Variants in MIP observed in about 807,000 individuals in gnomAD.
MIP encodes lens fiber major intrinsic protein.
In MIP, 14 loss-of-function variants were observed where a neutral mutation model predicts 21.8. The observed-to-expected ratio is 0.64, with a 90% CI of 0.42 to 1.00. MIP has a LOEUF of 1.00. Among genes scored for constraint, MIP ranks in the 50% least tolerant of loss-of-function variants. MIP has a pLI of 0.00. For missense variants in MIP, 260 were observed against 333.5 expected (o/e 0.78, Z 1.72); for synonymous variants, 133 against 141.4 (o/e 0.94, Z 0.42).
At chr12:56,456,244 G>T (rs1396167352), upstream of MIP, among the ~76,000 whole-genome samples, 1 of 152,154 alleles carries the variant, frequency 6.6e-6, no homozygotes, top group Non-Finnish European at 1.5e-5. Context: ...CTCCAGAAAA[G>T]TTCCCCTGGA....
chr12:56,451,004 G>T lies in MIP; in HGVS notation c.*276C>A. On this transcript the variant is annotated 3_prime_UTR_variant, in exon 4 of 4. Coordinates refer to ENST00000652304, the MANE Select transcript of MIP (RefSeq NM_012064.4). ...CTTAGCTCTCATGCCCCAAAACTCA[G>T]ACACAGCCACACTCACATTCATATG... 1 of 459,944 alleles carries T rather than the reference G, an allele frequency of 2.2e-6. No individual in the cohort carries two copies. Among genetic ancestry groups the T allele is most frequent in the African/African-American group, 2.0e-5 (1 of 50,618 alleles). The allele number at this position is 459,944 out of a possible 1,614,324, so 28.5% of individuals were successfully genotyped here. A position where few individuals can be genotyped will look rare whatever the true frequency, so the allele number is the denominator to read the frequency against.
Position 56,453,649 on chromosome 12 carries a change from T to G in MIP, c.467A>C (p.Gln156Pro). ...AACGGCCAGGGCCACGGAGCCCAGT[T>G]GGCCATTCCGCCTCTCGTCGTATGT... ...FATYDERRNG[Q>P]LGSVALAVGF... is the part of the protein sequence containing the mutation. Residue 156 changes from glutamine (Q) to proline (P), a missense_variant, in exon 2 of 4, where the codon CAA becomes CCA. Transcript: ENST00000652304. The G allele has an allele frequency of 6.2e-7, 1 of 1,614,234 alleles. No homozygotes were observed. The highest frequency in any genetic ancestry group is 1.1e-5 in the South Asian group (1 of 91,086).
Position 56,453,184 on chromosome 12 carries a change from C to A in MIP, c.526-32G>T, listed in dbSNP as rs1565694229. 8 of 1,473,654 alleles carry A rather than the reference C, an allele frequency of 5.4e-6. No individual in the cohort carries two copies. The East Asian group carries it at 6.8e-5, about 13-fold the overall frequency. The allele number at this position is 1,473,654 out of a possible 1,614,324, so 91.3% of individuals were successfully genotyped here. On this transcript the variant is annotated intron_variant, in intron 2 of 3. Coordinates refer to ENST00000652304, the MANE Select transcript of MIP (RefSeq NM_012064.4). ...AAGAGACAGTTGTAACTGAGACACC[C>A]CCCTACTGCACCCCAGCTTCTCTCC...
In MIP at chr12:56,454,235, C is replaced by T. The variant is rs756679564; in HGVS notation, c.360+19G>A. On this transcript the variant is annotated intron_variant, in intron 1 of 3. Transcript: ENST00000652304. ...AGACAGGACACCAGGTTCCCCATCC[C>T]CTCTCAGCCAACCATTACCGTGTTG... 11 of 1,613,860 alleles carry T rather than the reference C, an allele frequency of 6.8e-6. No individual in the cohort carries two copies. The highest frequency in any genetic ancestry group is 1.1e-5 in the South Asian group (1 of 91,048).
Position 56,454,371 on chromosome 12 carries a change from C to T in MIP, c.243G>A (p.Met81Ile), listed in dbSNP as rs541621233. 6.2e-7 allele frequency: 1 copy of T among 1,614,132 alleles called. No individual in the cohort carries two copies. Among genetic ancestry groups the T allele is most frequent in the Non-Finnish European group, 8.5e-7 (1 of 1,180,036 alleles). The stretch of plus-strand genomic sequence containing the variant: ...TATAGCAGAAGGCACGGAGCAGGGA[C>T]ATCTGGGAGCCCACAAGGAAAGCAA... ...VTFAFLVGSQ[M>I]SLLRAFCYMA... The change falls in exon 1 of 4, where the codon ATG becomes ATA. Residue 81 changes from methionine to isoleucine, a missense_variant. Met to Ile is a conservative substitution (Grantham distance 10, BLOSUM62 1). Coordinates refer to ENST00000652304, the MANE Select transcript of MIP (RefSeq NM_012064.4).
At chr12:56,454,713 G>C, upstream of MIP, 1 of 1,488,088 alleles carries the variant, frequency 6.7e-7, no homozygotes, top group Non-Finnish European at 9.2e-7. Context: ...CCTGGGAGGG[G>C]CAGGCTGAGG....
In MIP at chr12:56,454,246, A is replaced by G. The variant is rs779214853; in HGVS notation, c.360+8T>C. On this transcript the variant is annotated splice_region_variant and intron_variant, in intron 1 of 3. Coordinates refer to ENST00000652304, the MANE Select transcript of MIP (RefSeq NM_012064.4). Reference sequence around the variant, plus strand: ...CAGGTTCCCCATCCCCTCTCAGCCAACCATTACCGTGTTGAGTGCTAGGTT... The same window carrying G: ...CAGGTTCCCCATCCCCTCTCAGCCAGCCATTACCGTGTTGAGTGCTAGGTT... The G allele has an allele frequency of 1.2e-6, 2 of 1,613,994 alleles. No homozygotes were observed. Among genetic ancestry groups the G allele is most frequent in the Admixed American group, 3.3e-5 (2 of 60,012 alleles).
At position 56,454,615 on chromosome 12, in the gene MIP, G is replaced by T; in HGVS notation, c.-2C>A. ...GGAGGCTGATCGCAGTTCCCACATG[G>T]CAGGGGGGATGGTCACAGTGCCTGG... On this transcript the variant is annotated 5_prime_UTR_variant, in exon 1 of 4. Transcript: ENST00000652304. 6.2e-7 allele frequency: 1 copy of T among 1,613,852 alleles called. No individual in the cohort carries two copies. The highest frequency in any genetic ancestry group is 8.5e-7 in the Non-Finnish European group (1 of 1,179,958).
At chr12:56,453,827 G>A in intron 1 of MIP, 72 bp from the exon 2 acceptor site, 1 of 1,492,780 alleles carries the variant, frequency 6.7e-7, no homozygotes, top group Non-Finnish European at 9.2e-7. Flanking sequence ...GACTTCCCCG[G>A]CAAGGATCTC....
chr12:56,456,219 C>T (rs1348656991), upstream of MIP, among the ~76,000 whole-genome samples: 2 of 152,178 alleles, frequency 1.3e-5, no homozygotes, highest in Admixed American at 1.3e-4. Flanking sequence ...AGGAAGCATG[C>T]AGGGTTCACA....
rs1481875807 is a variant in MIP, at chr12:56,453,687, G to C, written c.429C>G (p.Leu143=). The change falls in exon 2 of 4, where the codon CTC becomes CTG. Residue 143 remains leucine, a synonymous_variant. Transcript: ENST00000652304. Reference sequence around the variant, plus strand: ...TCTCGTCGTATGTGGCAAAGATGCAGAGCACGAACTGGAGCGTCAGGAAGA... The same window carrying C: ...TCTCGTCGTATGTGGCAAAGATGCACAGCACGAACTGGAGCGTCAGGAAGA... The part of the protein sequence containing the change: ...VEIFLTLQFV[L]CIFATYDERR... 1.2e-6 allele frequency: 2 copies of C among 1,614,164 alleles called. No individual in the cohort carries two copies. The highest frequency in any genetic ancestry group is 3.3e-5 in the Admixed American group (2 of 60,024).
chr12:56,454,446 C>T lies in MIP; in HGVS notation c.168G>A (p.Val56=), dbSNP rs1356922901. Reference sequence around the variant, plus strand: ...CTCCACTGATGTGGCCCACAGACTGCACCAGTGTAGCCAGGGCCAAGCCAA... The same window carrying T: ...CTCCACTGATGTGGCCCACAGACTGTACCAGTGTAGCCAGGGCCAAGCCAA... ...MAFGLALATL[V]QSVGHISGAH... Residue 56 remains valine, a synonymous_variant, in exon 1 of 4, where the codon GTG becomes GTA. Transcript: ENST00000652304. 2 of 1,614,052 alleles carry T rather than the reference C, an allele frequency of 1.2e-6. No individual in the cohort carries two copies. Among genetic ancestry groups the T allele is most frequent in the South Asian group, 1.1e-5 (1 of 91,070 alleles).
rs1188299773 is a variant in MIP at position 56,451,538 on chromosome 12, C to T, written c.607-73G>A. 3.8e-6 allele frequency: 5 copies of T among 1,314,434 alleles called. No individual in the cohort carries two copies. The African/African-American group carries it at 5.9e-5, about 15-fold the overall frequency. The allele number at this position is 1,314,434 out of a possible 1,614,324, so 81.4% of individuals were successfully genotyped here. A position where few individuals can be genotyped will look rare whatever the true frequency, so the allele number is the denominator to read the frequency against. Reference sequence around the variant, plus strand: ...AGCAACGCTGCTCTTTTTCCAGCCACCTTAGTGGAAAACAAGATATTGTAC... The same window carrying T: ...AGCAACGCTGCTCTTTTTCCAGCCATCTTAGTGGAAAACAAGATATTGTAC... On this transcript the variant is annotated intron_variant, in intron 3 of 3. Transcript: ENST00000652304.
At position 56,454,207 on chromosome 12, in the gene MIP, G is replaced by C. The variant is rs766173639; in HGVS notation, c.360+47C>G. The C allele has an allele frequency of 3.1e-6, 5 of 1,613,312 alleles. No individual in the cohort carries two copies. The Admixed American group carries it at 8.3e-5, about 27-fold the overall frequency. On this transcript the variant is annotated intron_variant, in intron 1 of 3. Coordinates refer to ENST00000652304, the MANE Select transcript of MIP (RefSeq NM_012064.4). ...CACCAGTCAGGGAGTCAGGGCAATA[G>C]AGAGACAGGACACCAGGTTCCCCAT... is the stretch of plus-strand genomic sequence containing the variant.
intron 3 of MIP, among the ~76,000 whole-genome samples, chr12:56,452,125 G>A (rs1868640152): frequency 1.3e-5 from 2 of 152,152 alleles, no homozygotes; most frequent in African/African-American, 4.8e-5. Flanking sequence ...TGCAACCTAT[G>A]TCTAGAACTT....
chr12:56,454,482 C>T lies in MIP; in HGVS notation c.132G>A (p.Val44=). Reference sequence around the variant, plus strand: ...CCAGGGCCAAGCCAAATGCCATAGCCACCTGCAGAACATGCAGGGGTCCAG... The same window carrying T: ...CCAGGGCCAAGCCAAATGCCATAGCTACCTGCAGAACATGCAGGGGTCCAG... ...WAPGPLHVLQ[V]AMAFGLALAT... Residue 44 remains valine, a synonymous_variant, in exon 1 of 4, where the codon GTG becomes GTA. Transcript: ENST00000652304. 6.2e-7 allele frequency: 1 copy of T among 1,612,928 alleles called. No individual in the cohort carries two copies. Among genetic ancestry groups the T allele is most frequent in the Non-Finnish European group, 8.5e-7 (1 of 1,179,140 alleles).
rs767879244 is a variant in MIP, at chr12:56,451,447, T to A, written c.625A>T (p.Ile209Phe). 1.2e-5 allele frequency: 19 copies of A among 1,614,110 alleles called. No homozygotes were observed. The Admixed American group carries it at 3.2e-4, about 27-fold the overall frequency. ...AGGCTGCCCAGACCCCCTCCAATGA[T>A]TGGGCCTACCCAGTACACCTGTAGA... ...TNHWVYWVGP[I>F]IGGGLGSLLY... Residue 209 changes from isoleucine to phenylalanine, a missense_variant, in exon 4 of 4, where the codon ATC (isoleucine) becomes TTC (phenylalanine). By Grantham distance (21) the Ile-to-Phe change is conservative. Coordinates refer to ENST00000652304, the MANE Select transcript of MIP (RefSeq NM_012064.4).
At chr12:56,454,154 C>T (rs1439639971) in intron 1 of MIP, 100 bp downstream of exon 1, 1 of 1,525,734 alleles carries the variant, frequency 6.6e-7, no homozygotes, top group African/African-American at 1.4e-5. Flanking sequence ...ACATATTGTC[C>T]CAGACCCCAG....
chr12:56,451,440 C>G lies in MIP; in HGVS notation c.632G>C (p.Gly211Ala), dbSNP rs762238203. 1.9e-6 allele frequency: 3 copies of G among 1,614,122 alleles called. No individual in the cohort carries two copies. The South Asian group carries it at 3.3e-5, about 18-fold the overall frequency. The change falls in exon 4 of 4, where the codon GGA becomes GCA. Residue 211 changes from glycine (G) to alanine (A), a missense_variant. Gly to Ala is a moderately conservative substitution (Grantham distance 60). Coordinates refer to ENST00000652304, the MANE Select transcript of MIP (RefSeq NM_012064.4). ...GTACAGGAGGCTGCCCAGACCCCCT[C>G]CAATGATTGGGCCTACCCAGTACAC... ...HWVYWVGPII[G>A]GGLGSLLYDF...
Sources: allele counts gnomAD v4.1 joint callset (sites outside exome capture counted in the v4.1 genomes callset), GRCh38; gene constraint gnomAD v4.1.1; transcripts MANE v1.5; gene names NCBI Gene and HGNC (gene_info 2026-07-23, HGNC 2026-07-21).